The following ZC3H12B variants were observed in gnomAD, a reference collection of about 807,000 sequenced individuals.
ZC3H12B encodes zinc finger CCCH-type containing 12B.
In ZC3H12B, 7 loss-of-function variants were observed where a neutral mutation model predicts 43.9. The observed-to-expected ratio is 0.16, with a 90% confidence interval of 0.09 to 0.30. ZC3H12B has a LOEUF of 0.30. ZC3H12B is among the 10% of genes least tolerant of loss of function. The pLI, the probability that ZC3H12B is intolerant of heterozygous loss-of-function variation, is 1.00. For missense variants in ZC3H12B, 475 were observed against 670.2 expected (o/e 0.71, Z 3.22); for synonymous variants, 222 against 241.7 (o/e 0.92, Z 0.76).
the ZC3H12B span, among the ~76,000 whole-genome samples, chrX:65,206,045 A>C: frequency 8.9e-6 from 1 of 112,339 alleles, no homozygotes; most frequent in Non-Finnish European, 1.9e-5. Flanking sequence ...CACCATGCTC[A>C]TGGATGGCTA....
the ZC3H12B span, among the ~76,000 whole-genome samples, chrX:65,117,492 T>G: frequency 8.9e-6 from 1 of 112,034 alleles, no homozygotes; most frequent in African/African-American, 3.2e-5. Flanking sequence ...TTGTAAAAAT[T>G]TTCTCCCATT....
the ZC3H12B span, among the ~76,000 whole-genome samples, chrX:65,195,380 C>T: frequency 8.1e-5 from 9 of 111,381 alleles, no homozygotes; most frequent in African/African-American, 9.8e-5. Context: ...ACCTGTAACC[C>T]ATTATTTTAA....
At chrX:65,252,452 A>G in the ZC3H12B span, among the ~76,000 whole-genome samples, 2 of 111,960 alleles carry the variant, frequency 1.8e-5, no homozygotes, top group African/African-American at 6.5e-5. Flanking sequence ...TTTTATCTGT[A>G]TTAAAAAATT....
At chrX:65,406,472 G>T (rs1174099529) in intron 3 of ZC3H12B, among the ~76,000 whole-genome samples, 1 of 103,264 alleles carries the variant, frequency 9.7e-6, no homozygotes, top group Non-Finnish European at 2.0e-5. Context: ...AAAAAAAAAA[G>T]CTCTCATAAA....
the ZC3H12B span, among the ~76,000 whole-genome samples, chrX:65,267,856 C>T: frequency 9.0e-6 from 1 of 111,231 alleles, no homozygotes; most frequent in Non-Finnish European, 1.9e-5. Flanking sequence ...CCTTATATCT[C>T]AAGGAGATAG....
chrX:65,378,962 C>A (rs2066392023), intron 2 of ZC3H12B, among the ~76,000 whole-genome samples: 1 of 112,384 alleles, frequency 8.9e-6, no homozygotes, highest in Non-Finnish European at 1.9e-5. Context: ...GTCCTATGCC[C>A]ACGGAGTCTC....
the ZC3H12B span, among the ~76,000 whole-genome samples, chrX:65,333,496 G>T: frequency 4.5e-5 from 5 of 111,830 alleles, no homozygotes; most frequent in Non-Finnish European, 9.4e-5. Context: ...TCCAAAAAAA[G>T]TTTTCTTGAC....
At chrX:65,263,750 T>C in the ZC3H12B span, among the ~76,000 whole-genome samples, 2 of 111,534 alleles carry the variant, frequency 1.8e-5, no homozygotes, top group African/African-American at 6.5e-5. Context: ...GAAAACATTG[T>C]GCAGATTCCT....
At chrX:65,194,412 A>G in the ZC3H12B span, among the ~76,000 whole-genome samples, 106 of 109,886 alleles carry the variant, frequency 9.6e-4, no homozygotes, top group Non-Finnish European at 1.8e-3. Context: ...AAATAAAAAA[A>G]TAAAAATTTA....
the ZC3H12B span, among the ~76,000 whole-genome samples, chrX:65,216,937 A>T: frequency 2.7e-5 from 3 of 111,870 alleles, no homozygotes; most frequent in African/African-American, 9.7e-5. Flanking sequence ...TGGGGCTTGA[A>T]TTAGTGGCAG....
At chrX:65,498,671 T>C (rs2068324718) in intron 2 of ZC3H12B, among the ~76,000 whole-genome samples, 1 of 112,283 alleles carries the variant, frequency 8.9e-6, no homozygotes, top group African/African-American at 3.2e-5. Context: ...ACCAAAAAGC[T>C]GGTGCTTTGG....
At chrX:65,248,113 G>T in the ZC3H12B span, among the ~76,000 whole-genome samples, 1 of 110,696 alleles carries the variant, frequency 9.0e-6, no homozygotes, top group African/African-American at 3.3e-5. Flanking sequence ...CGTGATCTCG[G>T]CTCACTGCAA....
chrX:65,135,158 TC>T, the ZC3H12B span, among the ~76,000 whole-genome samples: 1 of 111,471 alleles, frequency 9.0e-6, no homozygotes, highest in African/African-American at 3.3e-5. Context: ...GTTATTTTTT[TC>T]CTAGTGAAGT....
At chrX:65,108,546 C>A in the ZC3H12B span, among the ~76,000 whole-genome samples, 1 of 108,954 alleles carries the variant, frequency 9.2e-6, no homozygotes, top group Non-Finnish European at 1.9e-5. Flanking sequence ...TCTTCAGGGG[C>A]GATAACATGC....
At chrX:65,157,457 GT>G in the ZC3H12B span, among the ~76,000 whole-genome samples, 9 of 111,973 alleles carry the variant, frequency 8.0e-5, no homozygotes, top group Non-Finnish European at 1.3e-4. Context: ...ATGTAGTGGT[GT>G]TATTTCTAGT....
chrX:65,382,351 C>A (rs1364195763), intron 2 of ZC3H12B, among the ~76,000 whole-genome samples: 1 of 110,363 alleles, frequency 9.1e-6, no homozygotes, highest in Non-Finnish European at 1.9e-5. Context: ...AAGACAAAAA[C>A]CACATGATTA....
chrX:65,382,152 A>G (rs1372196490), intron 2 of ZC3H12B, among the ~76,000 whole-genome samples: 1 of 111,442 alleles, frequency 9.0e-6, no homozygotes, highest in African/African-American at 3.3e-5. Context: ...ACAACCAAAA[A>G]AGAGAATTTT....
chrX:65,435,153 T>A (rs191018825), intron 3 of ZC3H12B, among the ~76,000 whole-genome samples: 1 of 111,801 alleles, frequency 8.9e-6, no homozygotes, highest in African/African-American at 3.3e-5. Context: ...GATGAGGAAC[T>A]GTGTTCTGAT....
the ZC3H12B span, among the ~76,000 whole-genome samples, chrX:65,225,994 G>A: frequency 9.0e-6 from 1 of 111,628 alleles, no homozygotes; most frequent in African/African-American, 3.3e-5. Context: ...AGCAAGGAAG[G>A]CCAACATTCA....
Sources: allele counts gnomAD v4.1 joint callset (sites outside exome capture counted in the v4.1 genomes callset), GRCh38; gene constraint gnomAD v4.1.1; transcripts MANE v1.5; gene names NCBI Gene and HGNC (gene_info 2026-07-23, HGNC 2026-07-21).